LRP5: variants seen among roughly 807,000 people sequenced by gnomAD.
LRP5 encodes LDL receptor related protein 5, also known as low-density lipoprotein receptor-related protein 5.
LRP5 carries 62 observed loss-of-function variants against 154.1 expected under a neutral mutation model. That is an observed-to-expected ratio of 0.40 (90% confidence interval 0.33 to 0.50). LRP5 has a LOEUF of 0.50. LRP5 is among the 20% of genes least tolerant of loss of function. The pLI is 0.55. For missense variants in LRP5, 1,915 were observed against 2,336.7 expected, an observed-to-expected ratio of 0.82 and a Z score of 3.72; for synonymous variants, 966 against 1,011.5, an observed-to-expected ratio of 0.96 and a Z score of 0.85.
Position 68,382,782 on chromosome 11 carries a change from C to T in LRP5, c.1016-3534C>T, listed in dbSNP as rs544072755. 3.9e-5 allele frequency among the ~76,000 whole-genome samples: 6 copies of T among 152,326 alleles called. No individual in the cohort carries two copies. The South Asian group carries it at 1.0e-3, about 26-fold the overall frequency. On this transcript the variant is annotated intron_variant, in intron 5 of 22. Transcript: ENST00000294304. ...GGCTGTGTGTCCTTGGGCCGGGAGC[C>T]TACCCTCTCTGAGCGTTGGGGTCCT...
chr11:68,304,432 G>A, the LRP5 span, among the ~76,000 whole-genome samples: 1 of 152,280 alleles, frequency 6.6e-6, no homozygotes, highest in Admixed American at 6.5e-5. Flanking sequence ...CAGGAAGAAG[G>A]CTGCTGCAGG....
chr11:68,383,725 G>A (rs1022710614), intron 5 of LRP5, among the ~76,000 whole-genome samples: 13 of 152,164 alleles, frequency 8.5e-5, no homozygotes, highest in East Asian at 1.9e-4. Flanking sequence ...TGGCGCCCTC[G>A]CCATGAGGCC....
intron 7 of LRP5, among the ~76,000 whole-genome samples, chr11:68,401,187 T>C (rs1374365715): frequency 6.6e-6 from 1 of 152,130 alleles, no homozygotes; most frequent in Non-Finnish European, 1.5e-5. Context: ...ACCCCTCAGA[T>C]GTTTTCTGAG....
At chr11:68,443,583 A>ATT (rs1352836968) in intron 21 of LRP5, among the ~76,000 whole-genome samples, 2 of 33,068 alleles carry the variant, frequency 6.0e-5, no homozygotes, top group African/African-American at 2.9e-4. Context: ...ATATATATAT[A>ATT]TATTTTTTTT....
At chr11:68,362,248 C>T (rs965135305) in intron 3 of LRP5, among the ~76,000 whole-genome samples, 5 of 151,906 alleles carry the variant, frequency 3.3e-5, no homozygotes, top group South Asian at 2.1e-4. Flanking sequence ...AAGTGTTTGC[C>T]GGGGCTGGGG....
chr11:68,379,652 T>C (rs2098639230), intron 5 of LRP5, among the ~76,000 whole-genome samples: 1 of 152,250 alleles, frequency 6.6e-6, no homozygotes, highest in Non-Finnish European at 1.5e-5. Flanking sequence ...TTTGGTGTTG[T>C]CCCTATTGAC....
intron 1 of LRP5, among the ~76,000 whole-genome samples, chr11:68,323,565 C>T (rs2098597976): frequency 6.6e-6 from 1 of 152,170 alleles, no homozygotes; most frequent in South Asian, 2.1e-4. Flanking sequence ...AGGCACACAC[C>T]ACCAGGCCCA....
intron 1 of LRP5, among the ~76,000 whole-genome samples, chr11:68,318,078 G>A (rs867067106): frequency 1.4e-5 from 2 of 146,770 alleles, no homozygotes; most frequent in Middle Eastern, 6.8e-3. Context: ...TTTTTGAGAT[G>A]GAGTCTTGCT....
At chr11:68,420,364 T>G (rs904447183) in intron 13 of LRP5, among the ~76,000 whole-genome samples, 1 of 152,184 alleles carries the variant, frequency 6.6e-6, no homozygotes, top group Non-Finnish European at 1.5e-5. Flanking sequence ...GGTTCATCTG[T>G]GTTATAGCCT....
chr11:68,298,869 G>A, the LRP5 span, among the ~76,000 whole-genome samples: 4 of 152,114 alleles, frequency 2.6e-5, no homozygotes, highest in Non-Finnish European at 2.9e-5. Flanking sequence ...TTTCCCATCC[G>A]TGCTGCTGGA....
intron 3 of LRP5, among the ~76,000 whole-genome samples, chr11:68,359,250 C>T (rs143115214): frequency 3.4e-4 from 52 of 152,216 alleles, no homozygotes; most frequent in East Asian, 5.8e-4. Context: ...TGAGTGAGGC[C>T]GGGACATCCA....
rs956572025 is a variant in LRP5, at chr11:68,364,165, G to A, written c.883+222G>A. Among the ~76,000 whole-genome samples the A allele has an allele frequency of 5.9e-4, 90 of 151,984 alleles. 1 individual carries two copies. The highest frequency in any genetic ancestry group is 1.2e-3 in the Admixed American group (18 of 15,268). On this transcript the variant is annotated intron_variant, in intron 4 of 22. Coordinates refer to ENST00000294304, the MANE Select transcript of LRP5 (RefSeq NM_002335.4). ...AGGTGTGTGGCTGGCTGGGGGACACGGGCCTGCAGAGGACCCCTCTGCAGA... is the reference window on the plus strand; with the variant it reads ...AGGTGTGTGGCTGGCTGGGGGACACAGGCCTGCAGAGGACCCCTCTGCAGA...
At chr11:68,398,701 A>G (rs597959) in intron 7 of LRP5, among the ~76,000 whole-genome samples, 2 of 145,314 alleles carry the variant, frequency 1.4e-5, no homozygotes, top group African/African-American at 5.1e-5. Context: ...TATGGAATTC[A>G]AAAAAAAAAA....
intron 11 of LRP5, among the ~76,000 whole-genome samples, chr11:68,412,134 A>G (rs1168693599): frequency 6.6e-6 from 1 of 152,182 alleles, no homozygotes; most frequent in Admixed American, 6.5e-5. Flanking sequence ...TTTCCAGATC[A>G]TGAGAATGAG....
chr11:68,424,492 G>A (rs1325959133), intron 14 of LRP5, among the ~76,000 whole-genome samples: 1 of 152,228 alleles, frequency 6.6e-6, no homozygotes, highest in Non-Finnish European at 1.5e-5. Flanking sequence ...TCTATAAGGC[G>A]GCTGTGCAGG....
Position 68,353,061 on chromosome 11 carries a change from G to T in LRP5, c.489-4589G>T, listed in dbSNP as rs767782256. ...GATGCTGGGCCCTTGGTTGGGAGTAGTCTTTCCCATGCTCAGATCTGAGCT... is the reference window on the plus strand; with the variant it reads ...GATGCTGGGCCCTTGGTTGGGAGTATTCTTTCCCATGCTCAGATCTGAGCT... On this transcript the variant is annotated intron_variant, in intron 2 of 22. Transcript: ENST00000294304. The surrounding 1 kb of genome is among the most constrained non-coding windows in gnomAD (Gnocchi z 4.5). 9.9e-5 allele frequency among the ~76,000 whole-genome samples: 15 copies of T among 152,192 alleles called. No homozygotes were observed. Among genetic ancestry groups the T allele is most frequent in the Non-Finnish European group, 1.8e-4 (12 of 68,026 alleles).
chr11:68,387,929 G>A (rs1257392678), intron 6 of LRP5, among the ~76,000 whole-genome samples: 3 of 152,344 alleles, frequency 2.0e-5, no homozygotes, highest in South Asian at 2.1e-4. Context: ...AGGATTTGTG[G>A]GCTGTGGAGC....
intron 20 of LRP5, 72 bp from the exon 21 acceptor site, chr11:68,439,705 G>A (rs1426473753): frequency 8.0e-6 from 12 of 1,504,492 alleles, no homozygotes; most frequent in Non-Finnish European, 1.1e-5. Flanking sequence ...GCAGAGGAGA[G>A]CGCCCTATGT....
In LRP5 at chr11:68,437,907, C is replaced by T. The variant is rs546054824; in HGVS notation, c.4112-539C>T. Among the ~76,000 whole-genome samples the T allele has an allele frequency of 9.8e-5, 15 of 152,362 alleles. No individual in the cohort carries two copies. In the East Asian group the frequency reaches 2.3e-3, roughly 23 times the overall value. ...CACGCTTCCATTCCGCTGACTTCAT[C>T]GACGCCCTCAGGATCGCTGGGCCGG... On this transcript the variant is annotated intron_variant, in intron 19 of 22. Coordinates refer to ENST00000294304, the MANE Select transcript of LRP5 (RefSeq NM_002335.4).
Sources: gnomAD v4.1 joint callset for allele counts (sites outside exome capture counted in the v4.1 genomes callset) on GRCh38, gnomAD v4.1.1 for gene constraint, Gnocchi (gnomAD v3.1) non-coding constraint, MANE v1.5 for transcripts, NCBI Gene and HGNC (gene_info 2026-07-23, HGNC 2026-07-21) for gene names.